RARB: variants seen among roughly 807,000 people sequenced by gnomAD.
RARB encodes retinoic acid receptor beta.
RARB carries 17 observed loss-of-function variants against 51.9 expected under a neutral mutation model. That is an observed-to-expected ratio of 0.33 (90% confidence interval 0.22 to 0.49). The LOEUF is 0.49. RARB is among the 20% of genes least tolerant of loss of function. The pLI is 0.99. For synonymous variants in RARB, 215 were observed against 195.4 expected, an observed-to-expected ratio of 1.10 and a Z score of -0.84; for missense variants, 369 against 550.8, an observed-to-expected ratio of 0.67 and a Z score of 3.30.
At chr3:25,265,452 T>C (rs1221626348) in intron 5 of RARB, among the ~76,000 whole-genome samples, 1 of 152,124 alleles carries the variant, frequency 6.6e-6, no homozygotes, top group Non-Finnish European at 1.5e-5. Context: ...AACCACAAAT[T>C]TGGCAGCTTA....
intron 2 of RARB, among the ~76,000 whole-genome samples, chr3:24,886,891 C>A (rs968434717): frequency 6.6e-6 from 1 of 152,200 alleles, no homozygotes; most frequent in Non-Finnish European, 1.5e-5. Context: ...AATGTATAGA[C>A]CATGTGTCTA....
At chr3:24,900,377 G>A (rs1029316225) in intron 2 of RARB, among the ~76,000 whole-genome samples, 2 of 152,202 alleles carry the variant, frequency 1.3e-5, no homozygotes, top group Admixed American at 6.5e-5. Flanking sequence ...TCATCTCTTT[G>A]AAATATGACC....
chr3:25,036,373 C>A (rs1453785685), intron 2 of RARB, among the ~76,000 whole-genome samples: 1 of 152,148 alleles, frequency 6.6e-6, no homozygotes, highest in African/African-American at 2.4e-5. Flanking sequence ...AAATCCCAAA[C>A]CCTCTCCATT....
intron 2 of RARB, among the ~76,000 whole-genome samples, chr3:25,489,254 CTTTAAT>C (rs1176917880): frequency 2.6e-5 from 4 of 152,158 alleles, no homozygotes; most frequent in Non-Finnish European, 5.9e-5. Flanking sequence ...AATATAGCTA[CTTTAAT>C]TTTAAGGATC....
intron 2 of RARB, among the ~76,000 whole-genome samples, chr3:25,009,727 C>T (rs1263120325): frequency 1.3e-5 from 2 of 152,056 alleles, no homozygotes; most frequent in African/African-American, 2.4e-5. Context: ...TTCCAGCTTT[C>T]TGGGCTGTGA....
At chr3:25,387,466 G>GA (rs1052619270) in intron 5 of RARB, among the ~76,000 whole-genome samples, 3 of 152,252 alleles carry the variant, frequency 2.0e-5, no homozygotes, top group African/African-American at 7.2e-5. Flanking sequence ...GCAAAAAGGA[G>GA]AAAAAACTGG....
intron 2 of RARB, among the ~76,000 whole-genome samples, chr3:25,002,430 G>A (rs920348253): frequency 2.0e-5 from 3 of 152,134 alleles, no homozygotes; most frequent in African/African-American, 7.2e-5. Flanking sequence ...ATCAACTAAT[G>A]ACAGTCATAC....
At chr3:25,261,282 A>G (rs1702990737) in intron 5 of RARB, among the ~76,000 whole-genome samples, 1 of 152,086 alleles carries the variant, frequency 6.6e-6, no homozygotes, top group Non-Finnish European at 1.5e-5. Flanking sequence ...ACCCTGCTAC[A>G]TTTGACCCTA....
intron 5 of RARB, among the ~76,000 whole-genome samples, chr3:25,303,612 T>G (rs188393858): frequency 6.6e-6 from 1 of 152,176 alleles, no homozygotes; most frequent in African/African-American, 2.4e-5. Context: ...TGAATCTTCA[T>G]TGAGTAAAAA....
intron 3 of RARB, among the ~76,000 whole-genome samples, chr3:25,520,996 A>G (rs1355332581): frequency 6.6e-6 from 1 of 151,030 alleles, no homozygotes; most frequent in Non-Finnish European, 1.5e-5. Context: ...GTTTGTGACA[A>G]TAAAATATCA....
intron 2 of RARB, among the ~76,000 whole-genome samples, chr3:24,917,005 C>G (rs1366214480): frequency 6.6e-6 from 1 of 152,136 alleles, no homozygotes; most frequent in Non-Finnish European, 1.5e-5. Context: ...TGAATTTGCA[C>G]AGATATAACT....
At chr3:24,888,171 A>G (rs1192603377) in intron 2 of RARB, among the ~76,000 whole-genome samples, 1 of 152,196 alleles carries the variant, frequency 6.6e-6, no homozygotes, top group African/African-American at 2.4e-5. Context: ...CCTGAAACCC[A>G]AAGATGGGCT....
chr3:25,506,418 C>T (rs1220209799), intron 3 of RARB, among the ~76,000 whole-genome samples: 4 of 152,096 alleles, frequency 2.6e-5, no homozygotes, highest in African/African-American at 9.7e-5. Context: ...CCAGCCTGGG[C>T]AACGTGGCAA....
intron 2 of RARB, among the ~76,000 whole-genome samples, chr3:24,909,064 T>G (rs1317703243): frequency 6.6e-6 from 1 of 152,194 alleles, no homozygotes; most frequent in African/African-American, 2.4e-5. Flanking sequence ...CCAAAAGGCA[T>G]CATTTTTACT....
chr3:25,349,347 G>C (rs1705489939), intron 5 of RARB, among the ~76,000 whole-genome samples: 1 of 152,214 alleles, frequency 6.6e-6, no homozygotes, highest in Admixed American at 6.5e-5. Context: ...AGGATGGCCA[G>C]CATGTGGCTG....
At chr3:25,448,062 T>A (rs1709027262) in intron 1 of RARB, among the ~76,000 whole-genome samples, 1 of 152,042 alleles carries the variant, frequency 6.6e-6, no homozygotes, top group Non-Finnish European at 1.5e-5. Flanking sequence ...ACTATCATTT[T>A]ATACAAGCAG....
chr3:25,225,514 G>A (rs191365876), intron 5 of RARB, among the ~76,000 whole-genome samples: 2 of 152,244 alleles, frequency 1.3e-5, no homozygotes, highest in Non-Finnish European at 2.9e-5. Context: ...CAGCATCATT[G>A]TAAGACCTTA....
At chr3:25,009,381 C>T (rs1413700604) in intron 2 of RARB, among the ~76,000 whole-genome samples, 1 of 152,120 alleles carries the variant, frequency 6.6e-6, no homozygotes, top group Non-Finnish European at 1.5e-5. Context: ...TAAACCACAT[C>T]TACAATTCCA....
At chr3:25,486,442 A>G (rs181614968) in intron 2 of RARB, among the ~76,000 whole-genome samples, 1 of 152,174 alleles carries the variant, frequency 6.6e-6, no homozygotes, top group African/African-American at 2.4e-5. Context: ...AAGCCACCCT[A>G]CAGCCCTGGC....
Sources: allele counts gnomAD v4.1 joint callset (sites outside exome capture counted in the v4.1 genomes callset), GRCh38; gene constraint gnomAD v4.1.1; transcripts MANE v1.5; gene names NCBI Gene and HGNC (gene_info 2026-07-23, HGNC 2026-07-21).